DYNC1I2: variants seen among roughly 807,000 people sequenced by gnomAD.
DYNC1I2 encodes cytoplasmic dynein 1 intermediate chain 2.
DYNC1I2 carries 53 observed loss-of-function variants against 88.6 expected under a neutral mutation model. The ratio of observed to expected loss-of-function variants is 0.60; its 90% CI spans 0.48 to 0.75. DYNC1I2 has a LOEUF of 0.75. Ranked by LOEUF, DYNC1I2 falls within the 30% of genes least tolerant of loss-of-function variation. The pLI is 0.00. For synonymous variants in DYNC1I2, 198 were observed against 254.6 expected, an observed-to-expected ratio of 0.78 and a Z score of 2.12; for missense variants, 458 against 766.6, an observed-to-expected ratio of 0.60 and a Z score of 4.75.
intron 5 of DYNC1I2, among the ~76,000 whole-genome samples, chr2:171,709,326 C>T (rs982570793): frequency 6.6e-5 from 10 of 151,852 alleles, no homozygotes; most frequent in African/African-American, 2.4e-4. Flanking sequence ...TTATTAGAGA[C>T]CTTTTAGAAT....
At chr2:171,721,062 G>A (rs1687865584) in intron 7 of DYNC1I2, among the ~76,000 whole-genome samples, 1 of 140,248 alleles carries the variant, frequency 7.1e-6, no homozygotes, top group South Asian at 2.2e-4. Flanking sequence ...TGAGACAGGA[G>A]GATCACTAGA....
chr2:171,741,021 G>T lies in DYNC1I2; in HGVS notation c.1537-3028G>T, dbSNP rs527899412. Among the ~76,000 whole-genome samples, 72 of 152,188 alleles carry T rather than the reference G, an allele frequency of 4.7e-4. 1 individual carries two copies. The highest frequency in any genetic ancestry group is 1.7e-3 in the African/African-American group (72 of 41,518). On this transcript the variant is annotated intron_variant, in intron 15 of 17. Transcript: ENST00000397119. ...ATCTACTTTCTATCTCTTTGGGTCT[G>T]CCTGTTATGGACAGTTCATGGACAT...
At chr2:171,736,037 C>T (rs779594278) in intron 15 of DYNC1I2, among the ~76,000 whole-genome samples, 5 of 152,122 alleles carry the variant, frequency 3.3e-5, no homozygotes, top group Non-Finnish European at 7.3e-5. Flanking sequence ...TCTTAGAACC[C>T]CTCCTTATAT....
chr2:171,747,504 A>G lies in DYNC1I2; in HGVS notation c.1804-272A>G, dbSNP rs373860260. Among the ~76,000 whole-genome samples the G allele has an allele frequency of 3.4e-4, 52 of 152,162 alleles. No individual in the cohort carries two copies. In the East Asian group the frequency reaches 5.0e-3, roughly 15 times the overall value. Reference sequence around the variant, plus strand: ...CAAAATCCATGAGATGGTGCATAGGAGTTATATTTACAAAGCATCATTGTT... The same window carrying G: ...CAAAATCCATGAGATGGTGCATAGGGGTTATATTTACAAAGCATCATTGTT... On this transcript the variant is annotated intron_variant, in intron 17 of 17. Transcript: ENST00000397119.
At chr2:171,707,510 A>T in intron 5 of DYNC1I2, 133 bp downstream of exon 5, 1 of 720,430 alleles carries the variant, frequency 1.4e-6, no homozygotes, top group African/African-American at 1.9e-5. Flanking sequence ...ATGGCATAGA[A>T]ATTCTCTGTT....
At chr2:171,737,533 C>T (rs1170141226) in intron 15 of DYNC1I2, among the ~76,000 whole-genome samples, 1 of 152,138 alleles carries the variant, frequency 6.6e-6, no homozygotes, top group African/African-American at 2.4e-5. Context: ...TTATCATGCC[C>T]CAGCCTCCCA....
intron 5 of DYNC1I2, among the ~76,000 whole-genome samples, chr2:171,710,848 G>A (rs976256354): frequency 3.3e-5 from 5 of 151,080 alleles, no homozygotes; most frequent in Non-Finnish European, 7.4e-5. Context: ...GATTGCAGGT[G>A]TGTGTCACCA....
intron 5 of DYNC1I2, among the ~76,000 whole-genome samples, chr2:171,711,694 A>G (rs1229450726): frequency 6.6e-6 from 1 of 152,198 alleles, no homozygotes; most frequent in African/African-American, 2.4e-5. Flanking sequence ...TATTTTTTAA[A>G]TGAAGGATTT....
chr2:171,729,567 G>A, intron 14 of DYNC1I2, 142 bp from the exon 15 acceptor site: 1 of 842,892 alleles, frequency 1.2e-6, no homozygotes. Context: ...ACTCAACAAA[G>A]TTAATTCTGA....
rs373022996 is a variant in DYNC1I2, at chr2:171,747,809, C to T, written c.1837C>T (p.Arg613Trp). Reference protein sequence around the residue: ...IAVPRNDEWARFGRTLAEINA... With the variant: ...IAVPRNDEWAWFGRTLAEINA... The stretch of plus-strand genomic sequence containing the variant: ...TGTTCCCCGCAATGATGAATGGGCA[C>T]GGTTTGGCCGAACACTTGCAGAAAT... The change falls in exon 18 of 18, where the codon CGG becomes TGG. Residue 613 changes from arginine (R) to tryptophan (W), a missense_variant. Physicochemically the swap from Arg to Trp is moderately radical, Grantham distance 101. Transcript: ENST00000397119. 8.7e-6 allele frequency: 14 copies of T among 1,610,960 alleles called. No individual in the cohort carries two copies. Among genetic ancestry groups the T allele is most frequent in the East Asian group, 2.2e-5 (1 of 44,838 alleles).
In DYNC1I2 at chr2:171,725,598, G is replaced by GTTTGTTTT; in HGVS notation, c.512-17_512-16insGTTTTTTT. 1 of 894,262 alleles carries GTTTGTTTT rather than the reference G, an allele frequency of 1.1e-6. No individual in the cohort carries two copies. The highest frequency in any genetic ancestry group is 1.5e-6 in the Non-Finnish European group (1 of 655,498). 55.4% of individuals were successfully genotyped at this position (894,262 alleles called of 1,614,324 possible). On this transcript the variant is annotated intron_variant, in intron 7 of 17. Transcript: ENST00000397119. ...ATTCTGTTTTTTTGTTTTTTTGTTT[G>GTTTGTTTT]TTTTTTTTTTTTTTTTCAGATGAAG...
chr2:171,742,859 G>T (rs943152206), intron 15 of DYNC1I2, among the ~76,000 whole-genome samples: 1 of 152,148 alleles, frequency 6.6e-6, no homozygotes, highest in Non-Finnish European at 1.5e-5. Context: ...TCTCTTCTGT[G>T]AGACTTTGTC....
At chr2:171,735,863 G>C (rs527336291) in intron 15 of DYNC1I2, among the ~76,000 whole-genome samples, 1 of 152,256 alleles carries the variant, frequency 6.6e-6, no homozygotes, top group African/African-American at 2.4e-5. Flanking sequence ...TTATTTACTT[G>C]GGACAAGATG....
chr2:171,728,037 G>A, intron 12 of DYNC1I2, 70 bp downstream of exon 12: 1 of 1,486,656 alleles, frequency 6.7e-7, no homozygotes, highest in Non-Finnish European at 9.0e-7. Context: ...CTTAGTAGTG[G>A]CCATCAGAGT....
chr2:171,694,073 A>C, intron 3 of DYNC1I2, among the ~76,000 whole-genome samples: 1 of 143,264 alleles, frequency 7.0e-6, no homozygotes, highest in African/African-American at 2.6e-5. Flanking sequence ...AGTCTCACTC[A>C]CTCTCCCAGG....
chr2:171,727,760 T>C, intron 11 of DYNC1I2, 61 bp from the exon 12 acceptor site: 1 of 1,505,894 alleles, frequency 6.6e-7, no homozygotes, highest in Non-Finnish European at 9.1e-7. Flanking sequence ...AGATTGATTT[T>C]TAGAACTTGT....
At chr2:171,747,207 T>TTTTATA (rs1553598931) in intron 17 of DYNC1I2, among the ~76,000 whole-genome samples, 1 of 124,702 alleles carries the variant, frequency 8.0e-6, no homozygotes, top group East Asian at 2.3e-4. Context: ...AAAAAAAAAA[T>TTTTATA]TATATATATA....
intron 1 of DYNC1I2, chr2:171,688,520 T>A (rs1410809771): frequency 6.6e-6 from 1 of 152,200 alleles, no homozygotes; most frequent in Non-Finnish European, 1.5e-5. Flanking sequence ...CAGTTACGTA[T>A]GGAAGTTCTC....
At chr2:171,690,092 A>T in intron 1 of DYNC1I2, 55 bp from the exon 2 acceptor site, 1 of 1,130,286 alleles carries the variant, frequency 8.8e-7, no homozygotes, top group Non-Finnish European at 1.3e-6. Flanking sequence ...TTCTTGGAAC[A>T]CTAGTTTTTT....
Sources: gnomAD v4.1 joint callset for allele counts (sites outside exome capture counted in the v4.1 genomes callset) on GRCh38, gnomAD v4.1.1 for gene constraint, MANE v1.5 for transcripts, NCBI Gene and HGNC (gene_info 2026-07-23, HGNC 2026-07-21) for gene names.